The following KAT2B variants were observed in gnomAD, a reference collection of about 807,000 sequenced individuals.
KAT2B encodes histone acetyltransferase KAT2B.
A neutral mutation model predicts 105.9 loss-of-function variants in KAT2B; 36 were observed. That is an observed-to-expected ratio of 0.34 (90% CI 0.26 to 0.45). The LOEUF is 0.45. Among genes scored for constraint, KAT2B ranks in the 20% least tolerant of loss-of-function variants. The pLI is 1.00. For missense variants in KAT2B, 820 were observed against 1,021.6 expected (o/e 0.80, Z 2.69); for synonymous variants, 397 against 377.9 (o/e 1.05, Z -0.59).
At chr3:20,135,980 C>A (rs9829896) in intron 11 of KAT2B, among the ~76,000 whole-genome samples, 111,687 of 152,070 alleles carry the variant, frequency 0.73, 42,030 homozygotes, top group East Asian at 0.95. Context: ...CCTACGTTGG[C>A]GGTGTTCTAG....
chr3:20,131,413 A>C (rs756186772), intron 11 of KAT2B, among the ~76,000 whole-genome samples: 3 of 152,200 alleles, frequency 2.0e-5, no homozygotes, highest in Admixed American at 1.3e-4. Context: ...ACTGGCGTAT[A>C]GTCTAAGATA....
intron 2 of KAT2B, among the ~76,000 whole-genome samples, chr3:20,082,857 G>C: frequency 6.6e-6 from 1 of 151,818 alleles, no homozygotes; most frequent in East Asian, 1.9e-4. Flanking sequence ...ATTCAAGGTG[G>C]TAAGAAAAAG....
intron 9 of KAT2B, chr3:20,123,028 G>C: frequency 2.4e-6 from 2 of 830,116 alleles, no homozygotes; most frequent in Non-Finnish European, 2.9e-6. Flanking sequence ...TAATCTCACA[G>C]TTGAAGGCAT....
intron 10 of KAT2B, 148 bp downstream of exon 10, chr3:20,126,261 A>G: frequency 3.0e-6 from 2 of 672,930 alleles, no homozygotes; most frequent in Non-Finnish European, 5.0e-6. Flanking sequence ...GCTGATTTTC[A>G]TGTCTGAAAG....
chr3:20,108,087 G>A (rs180874973), intron 5 of KAT2B, among the ~76,000 whole-genome samples: 3 of 152,100 alleles, frequency 2.0e-5, no homozygotes, highest in East Asian at 1.9e-4. Flanking sequence ...TGGGATTACA[G>A]GTGTGAGCCA....
At chr3:20,049,633 G>A (rs1372327625) in intron 1 of KAT2B, among the ~76,000 whole-genome samples, 1 of 151,122 alleles carries the variant, frequency 6.6e-6, no homozygotes, top group Non-Finnish European at 1.5e-5. Context: ...GCTGTCGTTT[G>A]AAATTTATTG....
intron 2 of KAT2B, among the ~76,000 whole-genome samples, chr3:20,073,717 AAAAT>A (rs1403256679): frequency 4.9e-5 from 5 of 102,932 alleles, no homozygotes; most frequent in East Asian, 2.9e-4. Flanking sequence ...CCTTTTTAAA[AAAAT>A]AAATAAATAA....
chr3:20,123,145 T>C (rs766641479), intron 9 of KAT2B, among the ~76,000 whole-genome samples: 6 of 152,206 alleles, frequency 3.9e-5, no homozygotes, highest in Non-Finnish European at 8.8e-5. Flanking sequence ...GTTAACATTA[T>C]GCCACATTTG....
intron 8 of KAT2B, 63 bp from the exon 9 acceptor site, chr3:20,122,605 C>A: frequency 1.5e-6 from 2 of 1,298,084 alleles, no homozygotes; most frequent in South Asian, 1.3e-5. Context: ...AATTAGTTGG[C>A]GTGTATTATT....
chr3:20,132,879 A>G (rs1699535042), intron 11 of KAT2B, among the ~76,000 whole-genome samples: 1 of 152,232 alleles, frequency 6.6e-6, no homozygotes, highest in Non-Finnish European at 1.5e-5. Flanking sequence ...TCCTTACAAG[A>G]TGGTGCATAC....
intron 1 of KAT2B, among the ~76,000 whole-genome samples, chr3:20,059,069 G>A (rs148416530): frequency 6.6e-6 from 1 of 152,002 alleles, no homozygotes; most frequent in Non-Finnish European, 1.5e-5. Context: ...AAAACTTCTG[G>A]CAATCCCAGC....
At chr3:20,077,972 C>T (rs527715517) in intron 2 of KAT2B, among the ~76,000 whole-genome samples, 37 of 152,152 alleles carry the variant, frequency 2.4e-4, no homozygotes, top group Admixed American at 1.1e-3. Flanking sequence ...CCCAGGAATT[C>T]GAGACCATCT....
At chr3:20,056,872 G>T (rs1698011823) in intron 1 of KAT2B, among the ~76,000 whole-genome samples, 1 of 152,150 alleles carries the variant, frequency 6.6e-6, no homozygotes, top group African/African-American at 2.4e-5. Flanking sequence ...TCTAAGCATT[G>T]AATTACTTGT....
chr3:20,144,009 G>A (rs897874535), intron 13 of KAT2B, among the ~76,000 whole-genome samples: 4 of 151,928 alleles, frequency 2.6e-5, no homozygotes, highest in South Asian at 2.1e-4. Flanking sequence ...AATACCCCCT[G>A]TATCTAAAAT....
Position 20,040,676 on chromosome 3 carries a change from C to T in KAT2B, c.199C>T (p.Pro67Ser). The change falls in exon 1 of 18, where the codon CCG becomes TCG. Residue 67 changes from proline to serine, a missense_variant. Physicochemically the swap from Pro to Ser is moderately conservative, Grantham distance 74 (BLOSUM62 -1). Around this residue, in one of 6 missense-constraint regions of KAT2B, gnomAD observed 190 missense variants for 176.7 expected, o/e 1.08. Coordinates refer to ENST00000263754, the MANE Select transcript of KAT2B (RefSeq NM_003884.5). ...GGCTGCAGCGGGCACGGCCGAAGGA[C>T]CGGGAGGCGGTGGCTCGGCCCGAAT... ...AVAAAGTAEG[P>S]GGGGSARIAV... is the part of the protein sequence containing the mutation. The T allele has an allele frequency of 4.5e-6, 7 of 1,561,512 alleles. No individual in the cohort carries two copies. The highest frequency in any genetic ancestry group is 6.0e-6 in the Non-Finnish European group (7 of 1,159,500).
Position 20,126,092 on chromosome 3 carries a change from T to C in KAT2B, c.1601T>C (p.Ile534Thr). The C allele has an allele frequency of 6.2e-7, 1 of 1,607,240 alleles. No homozygotes were observed. The highest frequency in any genetic ancestry group is 8.5e-7 in the Non-Finnish European group (1 of 1,176,354). The change falls in exon 10 of 18, where the codon ATC (isoleucine) becomes ACC (threonine). Residue 534 changes from isoleucine (I) to threonine (T), a missense_variant. Around this residue, in one of 6 missense-constraint regions of KAT2B, gnomAD observed 225 missense variants for 268.1 expected, o/e 0.84. Coordinates refer to ENST00000263754, the MANE Select transcript of KAT2B (RefSeq NM_003884.5). The stretch of plus-strand genomic sequence containing the variant: ...CTGCCCCGAATGCCAAAAGAATACA[T>C]CACACGGCTCGTCTTTGACCCGTAA... ...HQLPRMPKEY[I>T]TRLVFDPKHK...
Position 20,122,754 on chromosome 3 carries a change from A to C in KAT2B, c.1363A>C (p.Asn455His), listed in dbSNP as rs1284387867. 1.2e-6 allele frequency: 2 copies of C among 1,614,166 alleles called. No individual in the cohort carries two copies. The highest frequency in any genetic ancestry group is 1.1e-5 in the South Asian group (1 of 91,074). Residue 455 changes from asparagine to histidine, a missense_variant, in exon 9 of 18, where the codon AAC becomes CAC. Coordinates refer to ENST00000263754, the MANE Select transcript of KAT2B (RefSeq NM_003884.5). ...GGGGGATATTCCGATGGAATTAATC[A>C]ACGAGGTTATGTCTACCATCACGGA... ...VMGDIPMELI[N>H]EVMSTITDPA...
chr3:20,049,605 A>G (rs1326267983), intron 1 of KAT2B, among the ~76,000 whole-genome samples: 8 of 152,152 alleles, frequency 5.3e-5, no homozygotes, highest in African/African-American at 1.7e-4. Flanking sequence ...AGAGGATTAC[A>G]TTTGTTTTAG....
chr3:20,141,299 G>T (rs1022155284), intron 13 of KAT2B, among the ~76,000 whole-genome samples: 7 of 151,782 alleles, frequency 4.6e-5, no homozygotes, highest in Non-Finnish European at 1.0e-4. Flanking sequence ...GCATATGAAT[G>T]AAAAGAGAAG....
Sources: allele counts gnomAD v4.1 joint callset (sites outside exome capture counted in the v4.1 genomes callset), GRCh38; gene constraint gnomAD v4.1.1; regional missense constraint gnomAD v4.1.1; transcripts MANE v1.5; gene names NCBI Gene and HGNC (gene_info 2026-07-23, HGNC 2026-07-21).